The following CCNH variants were observed in gnomAD, a reference collection of about 807,000 sequenced individuals.
CCNH encodes cyclin H.
In CCNH, 31 loss-of-function variants were observed where a neutral mutation model predicts 41.9. The observed-to-expected ratio is 0.74, with a 90% CI of 0.56 to 1.00. CCNH has a LOEUF of 1.00. CCNH is among the 50% of genes least tolerant of loss of function. CCNH has a pLI of 0.00. For missense variants in CCNH, 362 were observed against 388.4 expected, an observed-to-expected ratio of 0.93 and a Z score of 0.57; for synonymous variants, 138 against 136.1, an observed-to-expected ratio of 1.01 and a Z score of -0.10.
In CCNH at chr5:87,399,507, T is replaced by C; in HGVS notation, c.761-2A>G. On this transcript the variant is annotated splice_acceptor_variant, in intron 6 of 8. Coordinates refer to ENST00000256897, the MANE Select transcript of CCNH (RefSeq NM_001239.4). LOFTEE classifies it high-confidence loss of function. ...ACTTCTTTACTAAGTTTCTCATGCC[T>C]ATGTGGATACAAAAAAAGAATTTAA... 6.3e-7 allele frequency: 1 copy of C among 1,589,784 alleles called. No individual in the cohort carries two copies. The highest frequency in any genetic ancestry group is 8.6e-7 in the Non-Finnish European group (1 of 1,158,154).
At chr5:87,380,172 T>C (rs964003070), upstream of CCNH, among the ~76,000 whole-genome samples, 1 of 152,136 alleles carries the variant, frequency 6.6e-6, no homozygotes, top group East Asian at 1.9e-4. Flanking sequence ...ATCACTCTGT[T>C]AATATGCTTG....
downstream of CCNH, chr5:87,393,861 T>TAAGA (rs3093861): frequency 1.4e-5 from 2 of 146,172 alleles, no homozygotes; most frequent in Non-Finnish European, 3.1e-5. Context: ...TATACTAGCG[T>TAAGA]AAGAGTTTGA....
At chr5:87,312,448 T>G in the CCNH span, among the ~76,000 whole-genome samples, 1 of 152,228 alleles carries the variant, frequency 6.6e-6, no homozygotes, top group African/African-American at 2.4e-5. Context: ...ATTTTTAAAT[T>G]AATTTCTAAA....
downstream of CCNH, chr5:87,374,751 T>C (rs1761204452): frequency 6.5e-7 from 1 of 1,539,572 alleles, no homozygotes; most frequent in Non-Finnish European, 8.8e-7. Context: ...AAAGCAGAAA[T>C]AGGGGGTTTA....
the CCNH span, among the ~76,000 whole-genome samples, chr5:87,312,342 G>A: frequency 6.6e-6 from 1 of 152,212 alleles, no homozygotes; most frequent in Non-Finnish European, 1.5e-5. Context: ...GTACAAAAAT[G>A]TAAATTGGTG....
downstream of CCNH, among the ~76,000 whole-genome samples, chr5:87,387,283 C>G (rs1762128035): frequency 6.6e-6 from 1 of 152,080 alleles, no homozygotes; most frequent in African/African-American, 2.4e-5. Context: ...TGACACAGTT[C>G]TGACCAGGTT....
Position 87,409,276 on chromosome 5 carries a change from A to G in CCNH, c.314+14T>C. 7.1e-7 allele frequency: 1 copy of G among 1,399,050 alleles called. No individual in the cohort carries two copies. Among genetic ancestry groups the G allele is most frequent in the Non-Finnish European group, 1.0e-6 (1 of 996,304 alleles). 86.7% of individuals were successfully genotyped at this position (1,399,050 alleles called of 1,614,324 possible). A position where few individuals can be genotyped will look rare whatever the true frequency, so the allele number is the denominator to read the frequency against. On this transcript the variant is annotated intron_variant, in intron 3 of 8. Coordinates refer to ENST00000256897, the MANE Select transcript of CCNH (RefSeq NM_001239.4). ...TTCTTAAATGAAAACAATATATTAG[A>G]CAGACATACTCACATTATTATCCTG...
chr5:87,351,484 T>A (rs865928718), intron 9 of CCNH, among the ~76,000 whole-genome samples: 5 of 151,712 alleles, frequency 3.3e-5, no homozygotes, highest in African/African-American at 7.2e-5. Context: ...TATCTAGACT[T>A]GAAGAAGAAG....
chr5:87,331,303 G>A, intron 9 of CCNH: 1 of 1,536,708 alleles, frequency 6.5e-7, no homozygotes, highest in Non-Finnish European at 9.0e-7. Context: ...TAGAAATTCT[G>A]CACTTGCTAT....
rs764093920 is a variant in CCNH, at chr5:87,399,404, T to A, written c.862A>T (p.Asn288Tyr). ...GTCACATTAACTTACGTGATTACGT[T>A]AAGTGCAAGCTCAGCAGAATGACAT... ...ERCHSAELAL[N>Y]VITKKRKGYE... The change falls in exon 7 of 9, where the codon AAC becomes TAC. Residue 288 changes from asparagine (N) to tyrosine (Y), a missense_variant. Transcript: ENST00000256897. 5 of 1,611,056 alleles carry A rather than the reference T, an allele frequency of 3.1e-6. No homozygotes were observed. In the South Asian group the frequency reaches 5.5e-5, roughly 18 times the overall value.
chr5:87,383,622 C>A, intron 9 of CCNH: 3 of 977,182 alleles, frequency 3.1e-6, no homozygotes, highest in Non-Finnish European at 3.0e-6. Context: ...TCTATGAGTA[C>A]TAAAAATTCT....
At chr5:87,317,935 C>T (rs951519564), downstream of CCNH, among the ~76,000 whole-genome samples, 8 of 152,072 alleles carry the variant, frequency 5.3e-5, no homozygotes, top group Non-Finnish European at 8.8e-5. Flanking sequence ...CGCGCCCAGC[C>T]GTTTTTCTCA....
At chr5:87,333,172 ATG>A (rs767866774) in intron 9 of CCNH, 49 of 1,520,684 alleles carry the variant, frequency 3.2e-5, no homozygotes, top group Non-Finnish European at 4.1e-5. Flanking sequence ...GGAGTTTCTA[ATG>A]TGAATTTTTA....
intron 9 of CCNH, among the ~76,000 whole-genome samples, chr5:87,384,785 T>A (rs946942170): frequency 6.6e-6 from 1 of 152,136 alleles, no homozygotes. Flanking sequence ...TAAAATATTT[T>A]AAAAGTTTAT....
intron 9 of CCNH, among the ~76,000 whole-genome samples, chr5:87,346,467 A>G (rs1263215513): frequency 6.6e-6 from 1 of 151,906 alleles, no homozygotes; most frequent in Non-Finnish European, 1.5e-5. Context: ...TATATTTGAT[A>G]GTTTCTAGTT....
intron 9 of CCNH, among the ~76,000 whole-genome samples, chr5:87,341,526 A>G (rs1225103512): frequency 1.3e-5 from 2 of 152,158 alleles, no homozygotes; most frequent in Non-Finnish European, 2.9e-5. Context: ...TGATAACTAA[A>G]TATAACTCTT....
chr5:87,389,281 A>G, downstream of CCNH: 1 of 1,400,036 alleles, frequency 7.1e-7, no homozygotes, highest in South Asian at 1.2e-5. Context: ...CAGTGAGCCG[A>G]GATCATGCCA....
chr5:87,353,020 C>T (rs1759388054), intron 9 of CCNH: 4 of 647,688 alleles, frequency 6.2e-6, no homozygotes, highest in Non-Finnish European at 8.4e-6. Flanking sequence ...ATCATTTATT[C>T]TATTAATGTA....
chr5:87,333,433 A>C, intron 9 of CCNH: 4 of 1,546,458 alleles, frequency 2.6e-6, no homozygotes, highest in Non-Finnish European at 3.5e-6. Context: ...AATTTGAAGA[A>C]ATGGCATACA....
Sources: allele counts gnomAD v4.1 joint callset (sites outside exome capture counted in the v4.1 genomes callset), GRCh38; gene constraint gnomAD v4.1.1; transcripts MANE v1.5; gene names NCBI Gene and HGNC (gene_info 2026-07-23, HGNC 2026-07-21).